Variants in UNC5D observed in about 807,000 individuals in gnomAD.
UNC5D encodes netrin receptor UNC5D.
In UNC5D, 39 loss-of-function variants were observed where a neutral mutation model predicts 105.4. That is an observed-to-expected ratio of 0.37 (90% CI 0.29 to 0.48). The LOEUF (loss-of-function observed/expected upper bound fraction) is 0.48, where lower values mean the gene tolerates loss of function less well. Ranked by LOEUF, UNC5D falls within the 20% of genes least tolerant of loss-of-function variation. The pLI, the probability that UNC5D is intolerant of heterozygous loss-of-function variation, is 0.98. For synonymous variants in UNC5D, 452 were observed against 450.4 expected (o/e 1.00, Z -0.04); for missense variants, 991 against 1,202.4 (o/e 0.82, Z 2.60).
At chr8:35,685,009 G>A (rs1164252296) in intron 6 of UNC5D, among the ~76,000 whole-genome samples, 1 of 152,186 alleles carries the variant, frequency 6.6e-6, no homozygotes, top group East Asian at 1.9e-4. Flanking sequence ...TTGCTATGAA[G>A]TCTTGTTATA....
intron 1 of UNC5D, among the ~76,000 whole-genome samples, chr8:35,360,187 AT>A (rs1375542710): frequency 1.3e-5 from 2 of 152,122 alleles, no homozygotes; most frequent in Non-Finnish European, 2.9e-5. Context: ...TCTGCAGCTC[AT>A]TTATCAAGCT....
intron 3 of UNC5D, among the ~76,000 whole-genome samples, chr8:35,587,981 T>TAATA (rs1818902060): frequency 7.1e-6 from 1 of 141,748 alleles, no homozygotes; most frequent in Non-Finnish European, 1.5e-5. Context: ...TATATATATA[T>TAATA]ATATATATAT....
At chr8:35,409,414 G>GT (rs1050405914) in intron 1 of UNC5D, among the ~76,000 whole-genome samples, 14 of 152,014 alleles carry the variant, frequency 9.2e-5, no homozygotes, top group African/African-American at 2.9e-4. Context: ...TGCTTTTGTT[G>GT]TTGTTTGTTT....
chr8:35,324,337 G>A (rs1054631736), intron 1 of UNC5D, among the ~76,000 whole-genome samples: 2 of 150,988 alleles, frequency 1.3e-5, no homozygotes, highest in Non-Finnish European at 2.9e-5. Flanking sequence ...TATGTGCCAA[G>A]TATCATGCAA....
intron 1 of UNC5D, among the ~76,000 whole-genome samples, chr8:35,495,131 G>A (rs1271278185): frequency 1.3e-5 from 2 of 152,134 alleles, no homozygotes; most frequent in Non-Finnish European, 2.9e-5. Flanking sequence ...TGTTTGCCAA[G>A]CAATGGTTGG....
At chr8:35,787,742 T>C (rs1164710754) in intron 16 of UNC5D, among the ~76,000 whole-genome samples, 8 of 152,126 alleles carry the variant, frequency 5.3e-5, no homozygotes, top group Non-Finnish European at 1.2e-4. Flanking sequence ...TGGAACCTCC[T>C]GAGTAGCTGG....
intron 4 of UNC5D, among the ~76,000 whole-genome samples, chr8:35,626,357 A>G (rs1347979945): frequency 2.6e-5 from 4 of 152,188 alleles, no homozygotes; most frequent in Non-Finnish European, 5.9e-5. Context: ...TATTTTGTAT[A>G]TGACTTAGTT....
At chr8:35,702,289 G>A (rs1827258552) in intron 7 of UNC5D, among the ~76,000 whole-genome samples, 1 of 152,092 alleles carries the variant, frequency 6.6e-6, no homozygotes, top group Admixed American at 6.5e-5. Context: ...GGGAGGCAGA[G>A]ACTAACTAAA....
At chr8:35,693,344 G>A (rs1826534736) in intron 7 of UNC5D, among the ~76,000 whole-genome samples, 1 of 152,064 alleles carries the variant, frequency 6.6e-6, no homozygotes, top group Admixed American at 6.6e-5. Flanking sequence ...TCCCTTAGTT[G>A]CCCATCCACT....
intron 1 of UNC5D, among the ~76,000 whole-genome samples, chr8:35,394,261 G>C (rs1803965632): frequency 6.6e-6 from 1 of 152,138 alleles, no homozygotes; most frequent in African/African-American, 2.4e-5. Flanking sequence ...TGAAAGCGAT[G>C]CAATGTCAAT....
intron 1 of UNC5D, among the ~76,000 whole-genome samples, chr8:35,295,350 A>G (rs950071736): frequency 3.9e-5 from 6 of 152,104 alleles, no homozygotes; most frequent in African/African-American, 1.4e-4. Context: ...ATATTTCTTA[A>G]TTTTTAAAAT....
At chr8:35,617,733 GTTC>G (rs1024645577) in intron 4 of UNC5D, among the ~76,000 whole-genome samples, 12 of 152,186 alleles carry the variant, frequency 7.9e-5, no homozygotes, top group African/African-American at 2.7e-4. Context: ...GATTCACTTG[GTTC>G]TATCAGTTAA....
intron 11 of UNC5D, among the ~76,000 whole-genome samples, chr8:35,742,092 T>C (rs1829792057): frequency 6.6e-6 from 1 of 152,094 alleles, no homozygotes; most frequent in South Asian, 2.1e-4. Flanking sequence ...CACATAGCGA[T>C]TACCAGAAGT....
intron 8 of UNC5D, among the ~76,000 whole-genome samples, chr8:35,706,918 G>A (rs915600708): frequency 6.6e-6 from 1 of 152,118 alleles, no homozygotes; most frequent in Admixed American, 6.6e-5. Flanking sequence ...AATATGTAAA[G>A]GACGCTAGGG....
rs3076999 is a variant in UNC5D, at chr8:35,657,045, AGT to A, written c.571-26467_571-26466del. On this transcript the variant is annotated intron_variant, in intron 4 of 16. Transcript: ENST00000404895. ...TGCTGCCCAAGCTGGAGTGCAGTGG[AGT>A]GTGTGTGTGTGTGTGTGTGTGTGTG... Among the ~76,000 whole-genome samples the A allele has an allele frequency of 7.7e-3, 547 of 70,728 alleles. 9 individuals carry two copies. The highest frequency in any genetic ancestry group is 0.018 in the Middle Eastern group (2 of 114). 46.4% of individuals were successfully genotyped at this position (70,728 alleles called of 152,430 possible).
At chr8:35,724,024 G>T (rs762336944) in intron 9 of UNC5D, 1 of 794,192 alleles carries the variant, frequency 1.3e-6, no homozygotes, top group Non-Finnish European at 1.7e-6. Flanking sequence ...CAAATGCAGC[G>T]AATAGAGTTC....
At chr8:35,776,536 A>C (rs932797223) in intron 16 of UNC5D, among the ~76,000 whole-genome samples, 2 of 152,172 alleles carry the variant, frequency 1.3e-5, no homozygotes, top group Non-Finnish European at 2.9e-5. Flanking sequence ...TCTGAGCACT[A>C]ATGAGCAGTC....
At chr8:35,624,477 A>C (rs1354358329) in intron 4 of UNC5D, among the ~76,000 whole-genome samples, 2 of 152,204 alleles carry the variant, frequency 1.3e-5, no homozygotes, top group African/African-American at 4.8e-5. Context: ...TTCGTCTTGC[A>C]CATTCATGCA....
Position 35,568,145 on chromosome 8 carries a change from G to T in UNC5D, c.370G>T (p.Glu124Ter). The T allele has an allele frequency of 6.2e-7, 1 of 1,614,204 alleles. No individual in the cohort carries two copies. Among genetic ancestry groups the T allele is most frequent in the Non-Finnish European group, 8.5e-7 (1 of 1,180,036 alleles). ...VFINVTRQQV[E>*]DFHGPEDYWC... ...CATCAATGTTACTAGGCAACAGGTG[G>T]AGGACTTCCATGGGCCCGAGGACTA... Residue 124 changes from glutamate (E) to a stop codon, truncating the protein, a stop_gained, in exon 3 of 17, where the codon GAG becomes TAG. Coordinates refer to ENST00000404895, the MANE Select transcript of UNC5D (RefSeq NM_080872.4). LOFTEE classifies it high-confidence loss of function.
Sources: allele counts gnomAD v4.1 joint callset (sites outside exome capture counted in the v4.1 genomes callset), GRCh38; gene constraint gnomAD v4.1.1; transcripts MANE v1.5; gene names NCBI Gene and HGNC (gene_info 2026-07-23, HGNC 2026-07-21).